YWHAG: variants seen among roughly 807,000 people sequenced by gnomAD.
YWHAG encodes tyrosine 3-monooxygenase/tryptophan 5-monooxygenase activation protein gamma, also known as 14-3-3 protein gamma.
Under a neutral mutation model 23.3 loss-of-function variants are expected in YWHAG, and 1 was observed. The observed-to-expected ratio is 0.04, with a 90% CI of 0.02 to 0.20. The LOEUF is 0.20. YWHAG is among the 10% of genes least tolerant of loss of function. The pLI is 1.00. For missense variants in YWHAG, 151 were observed against 338.6 expected (o/e 0.45, Z 4.35); for synonymous variants, 160 against 144.0 (o/e 1.11, Z -0.80).
At chr7:76,344,160 GA>G (rs1485609234) in intron 1 of YWHAG, among the ~76,000 whole-genome samples, 4 of 152,050 alleles carry the variant, frequency 2.6e-5, no homozygotes, top group African/African-American at 9.7e-5. Flanking sequence ...GCCTAGGCTG[GA>G]ATGCAGTGGT....
intron 1 of YWHAG, among the ~76,000 whole-genome samples, chr7:76,356,970 G>T (rs1303881894): frequency 6.6e-6 from 1 of 152,138 alleles, no homozygotes; most frequent in Non-Finnish European, 1.5e-5. Flanking sequence ...CTGTGTCATT[G>T]TGTGTGACAT....
chr7:76,358,700 G>A (rs745812805), intron 1 of YWHAG, 22 bp downstream of exon 1: 3 of 1,553,646 alleles, frequency 1.9e-6, no homozygotes, highest in Admixed American at 1.8e-5. Flanking sequence ...GGGAGCGGCG[G>A]GGGAGGGGAG....
chr7:76,344,974 C>G (rs1460247495), intron 1 of YWHAG, among the ~76,000 whole-genome samples: 1 of 152,162 alleles, frequency 6.6e-6, no homozygotes, highest in Non-Finnish European at 1.5e-5. Flanking sequence ...ACTGTCTTGT[C>G]CTTCTGCTAC....
rs1803466748 is a variant in YWHAG, at chr7:76,327,673, C to CCG, written c.*1903_*1904insCG. ...GGGAAAGCCCCACCTACCCTGCCCC[C>CCG]CCCCCCCTCCCCCCCCAAATCGTCT... On this transcript the variant is annotated 3_prime_UTR_variant, in exon 2 of 2. Transcript: ENST00000307630. The CCG allele has an allele frequency of 1.1e-5, 1 of 93,382 alleles. No homozygotes were observed. 5.8% of individuals were successfully genotyped at this position (93,382 alleles called of 1,614,324 possible).
At chr7:76,342,816 T>C (rs2115623837) in intron 1 of YWHAG, among the ~76,000 whole-genome samples, 1 of 152,072 alleles carries the variant, frequency 6.6e-6, no homozygotes, top group Middle Eastern at 3.4e-3. Flanking sequence ...GAGAGAGGAC[T>C]TTCCCACCAA....
At chr7:76,332,156 G>A (rs936935248) in intron 1 of YWHAG, among the ~76,000 whole-genome samples, 1 of 152,174 alleles carries the variant, frequency 6.6e-6, no homozygotes, top group African/African-American at 2.4e-5. Context: ...TCAAAAGAGG[G>A]GAAGAATAGG....
intron 1 of YWHAG, among the ~76,000 whole-genome samples, chr7:76,331,232 C>T (rs1056767275): frequency 2.0e-5 from 3 of 151,978 alleles, no homozygotes; most frequent in African/African-American, 7.3e-5. Flanking sequence ...GATTCTCCCA[C>T]CTCTGCCTAC....
rs1466082079 is a variant in YWHAG, at chr7:76,329,616, G to A, written c.705C>T (p.Ser235=). 6.2e-6 allele frequency: 10 copies of A among 1,612,470 alleles called. No individual in the cohort carries two copies. In the African/African-American group the frequency reaches 6.7e-5, roughly 11 times the overall value. ...LLRDNLTLWT[S]DQQDDDGGEG... Reference sequence around the variant, plus strand: ...CGCCGCCATCGTCGTCCTGCTGGTCGCTCGTCCAGAGCGTGAGGTTGTCGC... The same window carrying A: ...CGCCGCCATCGTCGTCCTGCTGGTCACTCGTCCAGAGCGTGAGGTTGTCGC... Residue 235 remains serine (S), a synonymous_variant, in exon 2 of 2, where the codon AGC becomes AGT. Coordinates refer to ENST00000307630, the MANE Select transcript of YWHAG (RefSeq NM_012479.4). The surrounding 1 kb of genome is among the most constrained non-coding windows in gnomAD (Gnocchi z 6.1).
At chr7:76,352,159 A>T (rs1391974186) in intron 1 of YWHAG, among the ~76,000 whole-genome samples, 1 of 152,238 alleles carries the variant, frequency 6.6e-6, no homozygotes, top group East Asian at 1.9e-4. Flanking sequence ...TTCTTAAAGA[A>T]CTAGCACCAT....
intron 1 of YWHAG, among the ~76,000 whole-genome samples, chr7:76,341,940 A>T (rs1246198394): frequency 2.0e-5 from 3 of 152,230 alleles, no homozygotes; most frequent in Admixed American, 1.3e-4. Context: ...CAGTTTATAT[A>T]GCACTCTCAC....
chr7:76,350,088 C>T (rs759896195), intron 1 of YWHAG, among the ~76,000 whole-genome samples: 7 of 152,076 alleles, frequency 4.6e-5, no homozygotes, highest in Non-Finnish European at 1.0e-4. Context: ...AATGGTGAAG[C>T]TGGGTGTACG....
chr7:76,353,447 A>G (rs1180741081), intron 1 of YWHAG, among the ~76,000 whole-genome samples: 1 of 151,868 alleles, frequency 6.6e-6, no homozygotes, highest in Non-Finnish European at 1.5e-5. Context: ...TCCTGACCTC[A>G]TGGTCCACCT....
In YWHAG at chr7:76,327,883, A is replaced by G. The variant is rs1803474426; in HGVS notation, c.*1694T>C. 6.6e-6 allele frequency: 1 copy of G among 152,170 alleles called. No homozygotes were observed. The highest frequency in any genetic ancestry group is 1.5e-5 in the Non-Finnish European group (1 of 68,030). The allele number at this position is 152,170 out of a possible 1,614,324, so 9.4% of individuals were successfully genotyped here. A position where few individuals can be genotyped will look rare whatever the true frequency, so the allele number is the denominator to read the frequency against. On this transcript the variant is annotated 3_prime_UTR_variant, in exon 2 of 2. Coordinates refer to ENST00000307630, the MANE Select transcript of YWHAG (RefSeq NM_012479.4). ...TACAGAGCACATTGAGTCTGTGGTC[A>G]TCGTGGTTCTTCTATCTTCACTGTC...
chr7:76,333,411 T>C (rs1196390274), intron 1 of YWHAG, among the ~76,000 whole-genome samples: 1 of 152,224 alleles, frequency 6.6e-6, no homozygotes, highest in African/African-American at 2.4e-5. Flanking sequence ...CAAAGTCTTC[T>C]TGAAAAAGTA....
chr7:76,342,489 T>C (rs1026126417), intron 1 of YWHAG, among the ~76,000 whole-genome samples: 2 of 152,204 alleles, frequency 1.3e-5, no homozygotes, highest in African/African-American at 2.4e-5. Flanking sequence ...GACTTCTTCA[T>C]ATCAAGGCTG....
rs1243693369 is a variant in YWHAG at position 76,358,942 on chromosome 7, G to C, written c.-134C>G. 2 of 795,798 alleles carry C rather than the reference G, an allele frequency of 2.5e-6. No homozygotes were observed. Among genetic ancestry groups the C allele is most frequent in the Non-Finnish European group, 3.6e-6 (2 of 561,644 alleles). The allele number at this position is 795,798 out of a possible 1,614,324, so 49.3% of individuals were successfully genotyped here. A position where few individuals can be genotyped will look rare whatever the true frequency, so the allele number is the denominator to read the frequency against. ...CGAGCAGCTGAGGCGGCGGCTGCGC[G>C]GAGGAGGCGGCTGGAGCTGCGACCG... On this transcript the variant is annotated 5_prime_UTR_variant, in exon 1 of 2. Coordinates refer to ENST00000307630, the MANE Select transcript of YWHAG (RefSeq NM_012479.4).
At chr7:76,347,045 C>T (rs1018037860) in intron 1 of YWHAG, among the ~76,000 whole-genome samples, 2 of 152,124 alleles carry the variant, frequency 1.3e-5, no homozygotes, top group African/African-American at 4.8e-5. Flanking sequence ...CTCCCCCTCC[C>T]TCAAGTTTCC....
chr7:76,336,842 A>G (rs1320807031), intron 1 of YWHAG, among the ~76,000 whole-genome samples: 1 of 151,668 alleles, frequency 6.6e-6, no homozygotes, highest in Admixed American at 6.6e-5. Context: ...GAATTTGAGA[A>G]TATTGTCACC....
At chr7:76,349,418 T>TACAC (rs35880008) in intron 1 of YWHAG, among the ~76,000 whole-genome samples, 185 of 147,154 alleles carry the variant, frequency 1.3e-3, no homozygotes, top group South Asian at 3.0e-3. Flanking sequence ...CATTTATTAA[T>TACAC]ACACACACAC....
Sources: gnomAD v4.1 joint callset for allele counts (sites outside exome capture counted in the v4.1 genomes callset) on GRCh38, gnomAD v4.1.1 for gene constraint, Gnocchi (gnomAD v3.1) non-coding constraint, MANE v1.5 for transcripts, NCBI Gene and HGNC (gene_info 2026-07-23, HGNC 2026-07-21) for gene names.